The following CCDC85C variants were observed in gnomAD, a reference collection of about 807,000 sequenced individuals.
CCDC85C encodes coiled-coil domain-containing protein 85C.
In CCDC85C, 18 loss-of-function variants were observed where a neutral mutation model predicts 38.3. That is an observed-to-expected ratio of 0.47 (90% CI 0.33 to 0.70). The LOEUF (loss-of-function observed/expected upper bound fraction) is 0.70, where lower values mean the gene tolerates loss of function less well. Ranked by LOEUF, CCDC85C falls within the 30% of genes least tolerant of loss-of-function variation. The pLI, the probability that CCDC85C is intolerant of heterozygous loss-of-function variation, is 0.03. For missense variants in CCDC85C, 566 were observed against 621.2 expected (o/e 0.91, Z 0.94); for synonymous variants, 264 against 293.8 (o/e 0.90, Z 1.04).
At chr14:99,532,764 G>GTTCTTC (rs770013937) in intron 2 of CCDC85C, among the ~76,000 whole-genome samples, 1,972 of 146,242 alleles carry the variant, frequency 0.013, 24 homozygotes, top group African/African-American at 0.028. Context: ...AGCTCCTCTG[G>GTTCTTC]TTCTTCTTCT....
At position 99,511,069 on chromosome 14, in the gene CCDC85C, C is replaced by A. The variant is rs910314656; in HGVS notation, c.*4177G>T. 1.1e-5 allele frequency: 3 copies of A among 271,178 alleles called. No individual in the cohort carries two copies. The Admixed American group carries it at 1.6e-4, about 15-fold the overall frequency. The allele number at this position is 271,178 out of a possible 1,614,324, so 16.8% of individuals were successfully genotyped here. ...CTGGGTTACTTTATACTAGTGAGGA[C>A]GTTAACCAGCCATATTGGCTCAATA... On this transcript the variant is annotated 3_prime_UTR_variant, in exon 6 of 6. Transcript: ENST00000380243.
At chr14:99,553,315 T>A (rs1897948460) in intron 1 of CCDC85C, among the ~76,000 whole-genome samples, 1 of 151,656 alleles carries the variant, frequency 6.6e-6, no homozygotes, top group South Asian at 2.1e-4. Flanking sequence ...AAGCACAAAC[T>A]CCGGGTTCAA....
chr14:99,516,229 G>C lies in CCDC85C; in HGVS notation c.1129C>G (p.Leu377Val). ...ACGATGGCCTTCTCCTTCTCACTCAGGTCCTCCTCACAGCTGTCCTGGAGC... is the reference window on the plus strand; with the variant it reads ...ACGATGGCCTTCTCCTTCTCACTCACGTCCTCCTCACAGCTGTCCTGGAGC... ...RQLQDSCEEDLSEKEKAIVRE... is the reference protein window; with the variant it reads ...RQLQDSCEEDVSEKEKAIVRE... Residue 377 changes from leucine to valine, a missense_variant, in exon 5 of 6, where the codon CTG (leucine) becomes GTG (valine). Leu to Val is a conservative substitution (Grantham distance 32). Around this residue, in one of 3 missense-constraint regions of CCDC85C, gnomAD observed 286 missense variants for 276.4 expected, o/e 1.03. Coordinates refer to ENST00000380243, the MANE Select transcript of CCDC85C (RefSeq NM_001144995.2). This position sits in a 1 kb window ranked among gnomAD's most constrained non-coding sequence, Gnocchi z 5.5. 1 of 1,551,274 alleles carries C rather than the reference G, an allele frequency of 6.4e-7. No homozygotes were observed. The highest frequency in any genetic ancestry group is 8.7e-7 in the Non-Finnish European group (1 of 1,146,932).
At position 99,574,151 on chromosome 14, in the gene CCDC85C, T is replaced by A. The variant is rs111593391; in HGVS notation, c.793+29016A>T. Among the ~76,000 whole-genome samples the A allele has an allele frequency of 2.0e-3, 299 of 152,228 alleles. 1 individual carries two copies. The highest frequency in any genetic ancestry group is 3.8e-3 in the Non-Finnish European group (260 of 68,016). On this transcript the variant is annotated intron_variant, in intron 1 of 5. Coordinates refer to ENST00000380243, the MANE Select transcript of CCDC85C (RefSeq NM_001144995.2). ...CTGCTTCTGCTGTGCCTGCCCAGCC[T>A]CCAGAACAAGACCATGTGCTGCAAG...
At chr14:99,574,570 G>T (rs570091671) in intron 1 of CCDC85C, among the ~76,000 whole-genome samples, 1 of 152,296 alleles carries the variant, frequency 6.6e-6, no homozygotes, top group African/African-American at 2.4e-5. Context: ...GGAACTCCCG[G>T]CCTGTGAGGA....
In CCDC85C at chr14:99,502,705, T is replaced by G. The variant is rs1342285376; in HGVS notation, c.*12541A>C. 6.2e-7 allele frequency: 1 copy of G among 1,608,962 alleles called. No homozygotes were observed. Among genetic ancestry groups the G allele is most frequent in the East Asian group, 2.2e-5 (1 of 44,882 alleles). On this transcript the variant is annotated 3_prime_UTR_variant, in exon 6 of 6. Transcript: ENST00000380243. The stretch of plus-strand genomic sequence containing the variant: ...ACCAATTTGTGTAAAATGTAATTGT[T>G]GGCTATCATTTAGACATCTGCCACC...
Position 99,510,271 on chromosome 14 carries a change from A to G in CCDC85C, c.*4975T>C, listed in dbSNP as rs900838475. ...CCTCCGGCCCACCCGGCCCCTGTGC[A>G]CCAGCCACCGCCGCTGCCACACCGG... On this transcript the variant is annotated 3_prime_UTR_variant, in exon 6 of 6. Transcript: ENST00000380243. 9 of 943,896 alleles carry G rather than the reference A, an allele frequency of 9.5e-6. No homozygotes were observed. The highest frequency in any genetic ancestry group is 1.3e-5 in the Non-Finnish European group (9 of 698,418). 58.5% of individuals were successfully genotyped at this position (943,896 alleles called of 1,614,324 possible).
chr14:99,555,116 C>G (rs1897985396), intron 1 of CCDC85C, among the ~76,000 whole-genome samples: 1 of 152,254 alleles, frequency 6.6e-6, no homozygotes, highest in African/African-American at 2.4e-5. Flanking sequence ...AGAGGGTGGC[C>G]TTGCTGGAAG....
chr14:99,518,828 C>T (rs924475112), intron 3 of CCDC85C, among the ~76,000 whole-genome samples: 2 of 152,158 alleles, frequency 1.3e-5, no homozygotes, highest in East Asian at 1.9e-4. Flanking sequence ...CTGTGCAAGC[C>T]GCCCCTCTCC....
intron 2 of CCDC85C, among the ~76,000 whole-genome samples, chr14:99,526,547 C>T (rs898277868): frequency 2.0e-4 from 31 of 152,248 alleles, no homozygotes; most frequent in Middle Eastern, 3.4e-3. Flanking sequence ...AGCAAGGCCA[C>T]GGCCCAGTGA....
At position 99,545,096 on chromosome 14, in the gene CCDC85C, G is replaced by A. The variant is rs967032848; in HGVS notation, c.794-9008C>T. Among the ~76,000 whole-genome samples, 1 of 152,176 alleles carries A rather than the reference G, an allele frequency of 6.6e-6. No homozygotes were observed. Among genetic ancestry groups the A allele is most frequent in the African/African-American group, 2.4e-5 (1 of 41,442 alleles). On this transcript the variant is annotated intron_variant, in intron 1 of 5. Coordinates refer to ENST00000380243, the MANE Select transcript of CCDC85C (RefSeq NM_001144995.2). The surrounding 1 kb of genome is among the most constrained non-coding windows in gnomAD (Gnocchi z 4.7). ...TGCCCTAATGAGAATGAAATCTCCT[G>A]GTGCTGGCCGGTCAGCCTTCCCCAG...
chr14:99,532,905 C>T (rs1361304599), intron 2 of CCDC85C, among the ~76,000 whole-genome samples: 2 of 152,124 alleles, frequency 1.3e-5, no homozygotes, highest in South Asian at 2.1e-4. Flanking sequence ...CCTCAGCCTC[C>T]CAAGTAGCTG....
At chr14:99,586,816 G>C (rs1469614036) in intron 1 of CCDC85C, among the ~76,000 whole-genome samples, 1 of 152,116 alleles carries the variant, frequency 6.6e-6, no homozygotes, top group African/African-American at 2.4e-5. Flanking sequence ...CCCTATGCCT[G>C]CCACTGTCCA....
Position 99,516,429 on chromosome 14 carries a change from A to G in CCDC85C, c.1072-143T>C. ...GCTGGGCCCCTGGGGACAAGCGTGG[A>G]AAAAACTGAGGGGCAGGTTGTCATC... On this transcript the variant is annotated intron_variant, in intron 4 of 5. Coordinates refer to ENST00000380243, the MANE Select transcript of CCDC85C (RefSeq NM_001144995.2). This position sits in a 1 kb window ranked among gnomAD's most constrained non-coding sequence, Gnocchi z 5.5. 1 of 631,242 alleles carries G rather than the reference A, an allele frequency of 1.6e-6. No individual in the cohort carries two copies. Among genetic ancestry groups the G allele is most frequent in the Non-Finnish European group, 2.8e-6 (1 of 358,116 alleles). The allele number at this position is 631,242 out of a possible 1,614,324, so 39.1% of individuals were successfully genotyped here.
chr14:99,571,419 A>G (rs1898340646), intron 1 of CCDC85C, among the ~76,000 whole-genome samples: 3 of 152,202 alleles, frequency 2.0e-5, no homozygotes, highest in Non-Finnish European at 4.4e-5. Flanking sequence ...GTGATGACCA[A>G]GTGCCTTTTG....
chr14:99,604,033 C>T lies in CCDC85C; in HGVS notation c.-74G>A. On this transcript the variant is annotated 5_prime_UTR_variant, in exon 1 of 6. Coordinates refer to ENST00000380243, the MANE Select transcript of CCDC85C (RefSeq NM_001144995.2). ...TTCCCCGCGCCGGGGCTCCGCTGGG[C>T]CGGTCCGCGCGCGGGCGGGGGGCGG... 1 of 1,004,786 alleles carries T rather than the reference C, an allele frequency of 1.0e-6. No homozygotes were observed. The highest frequency in any genetic ancestry group is 1.2e-6 in the Non-Finnish European group (1 of 844,468). The allele number at this position is 1,004,786 out of a possible 1,614,324, so 62.2% of individuals were successfully genotyped here. A position where few individuals can be genotyped will look rare whatever the true frequency, so the allele number is the denominator to read the frequency against.
intron 1 of CCDC85C, among the ~76,000 whole-genome samples, chr14:99,565,034 C>T (rs1449618305): frequency 1.3e-5 from 2 of 152,202 alleles, no homozygotes; most frequent in Admixed American, 6.5e-5. Flanking sequence ...CTCCCGGCAG[C>T]CCGCGGCCTC....
chr14:99,593,035 G>A (rs1302951184), intron 1 of CCDC85C, among the ~76,000 whole-genome samples: 7 of 152,228 alleles, frequency 4.6e-5, no homozygotes, highest in African/African-American at 7.2e-5. Context: ...TTAAGCAGCC[G>A]GGAAACAGAG....
chr14:99,571,194 G>C (rs1383566378), intron 1 of CCDC85C, among the ~76,000 whole-genome samples: 1 of 152,142 alleles, frequency 6.6e-6, no homozygotes, highest in Non-Finnish European at 1.5e-5. Flanking sequence ...GGGATCATGG[G>C]GGAGGGGCTG....
Sources: allele counts gnomAD v4.1 joint callset (sites outside exome capture counted in the v4.1 genomes callset), GRCh38; gene constraint gnomAD v4.1.1; regional missense constraint gnomAD v4.1.1; non-coding constraint Gnocchi (gnomAD v3.1); transcripts MANE v1.5; gene names NCBI Gene and HGNC (gene_info 2026-07-23, HGNC 2026-07-21).